CHRM3: variants seen among roughly 807,000 people sequenced by gnomAD.
The protein encoded by CHRM3 is muscarinic acetylcholine receptor M3.
A neutral mutation model predicts 41.8 loss-of-function variants in CHRM3; 11 were observed. The ratio of observed to expected loss-of-function variants is 0.26; its 90% CI spans 0.17 to 0.44. The LOEUF (loss-of-function observed/expected upper bound fraction) is 0.44, where lower values mean the gene tolerates loss of function less well. Ranked by LOEUF, CHRM3 falls within the 20% of genes least tolerant of loss-of-function variation. The pLI is 1.00. For missense variants in CHRM3, 571 were observed against 745.4 expected (o/e 0.77, Z 2.72); for synonymous variants, 297 against 301.4 (o/e 0.99, Z 0.15).
intron 5 of CHRM3, among the ~76,000 whole-genome samples, chr1:239,752,704 T>A (rs1665931053): frequency 6.6e-6 from 1 of 152,212 alleles, no homozygotes. Context: ...TCATATTTAT[T>A]CATTCAAACA....
intron 2 of CHRM3, among the ~76,000 whole-genome samples, chr1:239,526,244 C>T (rs1455936690): frequency 1.3e-5 from 2 of 152,160 alleles, no homozygotes; most frequent in Non-Finnish European, 1.5e-5. Context: ...AAAAGGTCTC[C>T]TGATCTAAAC....
chr1:239,407,417 T>TAGAGAGAGAGAGAG (rs67319486), intron 1 of CHRM3, among the ~76,000 whole-genome samples: 4 of 134,160 alleles, frequency 3.0e-5, no homozygotes, highest in Non-Finnish European at 3.4e-5. Context: ...TATATATATA[T>TAGAGAGAGAGAGAG]AGAGAGAGAG....
At chr1:239,430,788 T>C (rs1662777691) in intron 1 of CHRM3, among the ~76,000 whole-genome samples, 1 of 152,048 alleles carries the variant, frequency 6.6e-6, no homozygotes, top group Non-Finnish European at 1.5e-5. Context: ...TTGCTTTTTT[T>C]TTTTGGCATT....
intron 3 of CHRM3, among the ~76,000 whole-genome samples, chr1:239,613,202 C>T (rs182196818): frequency 1.9e-4 from 29 of 152,248 alleles, no homozygotes; most frequent in Non-Finnish European, 3.5e-4. Context: ...TCACAAAGCC[C>T]AAGATTTTGC....
rs576241380 is a variant in CHRM3 at position 239,501,051 on chromosome 1, A to G, written c.-422+8244A>G. On this transcript the variant is annotated intron_variant, in intron 2 of 6. Coordinates refer to ENST00000676153, the MANE Select transcript of CHRM3 (RefSeq NM_001375978.1). ...CAAAGAGGTACATTATATAATGGTA[A>G]AAGACCTTGTGCAACAGGCAAATAT... is the stretch of plus-strand genomic sequence containing the variant. 3.3e-5 allele frequency among the ~76,000 whole-genome samples: 5 copies of G among 152,352 alleles called. No homozygotes were observed. In the East Asian group the frequency reaches 9.6e-4, roughly 29 times the overall value.
intron 1 of CHRM3, among the ~76,000 whole-genome samples, chr1:239,392,516 A>T (rs1157178299): frequency 1.3e-5 from 2 of 152,194 alleles, no homozygotes; most frequent in Non-Finnish European, 2.9e-5. Flanking sequence ...GCTAATGTAG[A>T]CATCCTGGTT....
chr1:239,805,004 C>G (rs1323274534), intron 5 of CHRM3, among the ~76,000 whole-genome samples: 1 of 152,214 alleles, frequency 6.6e-6, no homozygotes, highest in African/African-American at 2.4e-5. Flanking sequence ...CATTCTGAAA[C>G]TATCCTCTGC....
chr1:239,504,225 AAAC>A (rs1457829445), intron 2 of CHRM3, among the ~76,000 whole-genome samples: 1 of 152,152 alleles, frequency 6.6e-6, no homozygotes, highest in Non-Finnish European at 1.5e-5. Context: ...AAAAACAAAA[AAAC>A]AAACAATCCC....
At chr1:239,490,204 T>A (rs935043674) in intron 1 of CHRM3, among the ~76,000 whole-genome samples, 1 of 152,228 alleles carries the variant, frequency 6.6e-6, no homozygotes, top group African/African-American at 2.4e-5. Context: ...GACTTCAAAG[T>A]TGGCAGTTCT....
At chr1:239,863,690 A>G (rs1558189089) in intron 6 of CHRM3, among the ~76,000 whole-genome samples, 1 of 152,106 alleles carries the variant, frequency 6.6e-6, no homozygotes, top group Admixed American at 6.5e-5. Flanking sequence ...AAATTGCTCC[A>G]GGTGCAGAAA....
chr1:239,774,815 G>C (rs1667964816), intron 5 of CHRM3, among the ~76,000 whole-genome samples: 1 of 152,096 alleles, frequency 6.6e-6, no homozygotes, highest in Admixed American at 6.6e-5. Context: ...ACAGAGGAAA[G>C]GACATTGTTT....
At chr1:239,471,864 C>T (rs1216993687) in intron 1 of CHRM3, among the ~76,000 whole-genome samples, 3 of 152,176 alleles carry the variant, frequency 2.0e-5, no homozygotes, top group Admixed American at 6.5e-5. Flanking sequence ...CTTCCCTGTG[C>T]GGCCTGCCCA....
intron 1 of CHRM3, among the ~76,000 whole-genome samples, chr1:239,441,978 T>C (rs1268971067): frequency 6.6e-6 from 1 of 152,156 alleles, no homozygotes; most frequent in African/African-American, 2.4e-5. Context: ...AAGCATTCAG[T>C]ATTATTTGAT....
Position 239,424,971 on chromosome 1 carries a change from T to C in CHRM3, c.-521+37744T>C, listed in dbSNP as rs73114775. ...TGCAAAGCTCATGCTGGGTGCAGAGTGGGTAATGCATGGGGGCACAGCCAG... is the reference window on the plus strand; with the variant it reads ...TGCAAAGCTCATGCTGGGTGCAGAGCGGGTAATGCATGGGGGCACAGCCAG... On this transcript the variant is annotated intron_variant, in intron 1 of 6. Coordinates refer to ENST00000676153, the MANE Select transcript of CHRM3 (RefSeq NM_001375978.1). Among the ~76,000 whole-genome samples, 671 of 152,072 alleles carry C rather than the reference T, an allele frequency of 4.4e-3. 4 individuals are homozygous for C. Among genetic ancestry groups the C allele is most frequent in the African/African-American group, 0.015 (636 of 41,492 alleles).
chr1:239,900,866 A>C (rs1483503398), intron 6 of CHRM3, among the ~76,000 whole-genome samples: 1 of 152,198 alleles, frequency 6.6e-6, no homozygotes, highest in Non-Finnish European at 1.5e-5. Flanking sequence ...TCAGGCGAGC[A>C]AGATCAGTCA....
At chr1:239,421,869 T>C (rs1240871691) in intron 1 of CHRM3, among the ~76,000 whole-genome samples, 1 of 152,092 alleles carries the variant, frequency 6.6e-6, no homozygotes, top group Non-Finnish European at 1.5e-5. Context: ...CTAGGCTAAA[T>C]AATATGCTTA....
intron 5 of CHRM3, among the ~76,000 whole-genome samples, chr1:239,772,307 C>T (rs976818180): frequency 1.3e-5 from 2 of 152,074 alleles, no homozygotes; most frequent in Admixed American, 1.3e-4. Flanking sequence ...TGCACCGCCA[C>T]AACCGGATAA....
chr1:239,759,181 TG>T (rs369595263), intron 5 of CHRM3, among the ~76,000 whole-genome samples: 3,474 of 143,218 alleles, frequency 0.024, 183 homozygotes, highest in African/African-American at 0.084. Context: ...TTTTTTTTTT[TG>T]TTTTTTTTTT....
intron 5 of CHRM3, among the ~76,000 whole-genome samples, chr1:239,690,505 A>G (rs1000040748): frequency 1.3e-5 from 2 of 152,118 alleles, no homozygotes; most frequent in African/African-American, 4.8e-5. Flanking sequence ...CTGGGATTAC[A>G]GGTGTAAGCC....
Sources: gnomAD v4.1 joint callset for allele counts (sites outside exome capture counted in the v4.1 genomes callset) on GRCh38, gnomAD v4.1.1 for gene constraint, MANE v1.5 for transcripts, NCBI Gene and HGNC (gene_info 2026-07-23, HGNC 2026-07-21) for gene names.